The following SLC12A6 variants were observed in gnomAD, a reference collection of about 807,000 sequenced individuals.
SLC12A6 encodes the protein solute carrier family 12 member 6.
In SLC12A6, 66 loss-of-function variants were observed where a neutral mutation model predicts 135.3. The ratio of observed to expected loss-of-function variants is 0.49; its 90% CI spans 0.40 to 0.60. The LOEUF (loss-of-function observed/expected upper bound fraction) is 0.60, where lower values mean the gene tolerates loss of function less well. Among genes scored for constraint, SLC12A6 ranks in the 20% least tolerant of loss-of-function variants. The pLI is 0.00. For synonymous variants in SLC12A6, 513 were observed against 508.8 expected (o/e 1.01, Z -0.11); for missense variants, 1,058 against 1,452.3 (o/e 0.73, Z 4.41).
At chr15:34,330,671 AAAAAAC>A (rs1279691270) in intron 2 of SLC12A6, among the ~76,000 whole-genome samples, 1 of 151,854 alleles carries the variant, frequency 6.6e-6, no homozygotes, top group Admixed American at 6.6e-5. Context: ...TGTCTCAAAA[AAAAAAC>A]AAAAACAAAA....
chr15:34,285,580 A>G (rs557929268), intron 2 of SLC12A6, among the ~76,000 whole-genome samples: 2 of 151,958 alleles, frequency 1.3e-5, no homozygotes, highest in East Asian at 3.9e-4. Flanking sequence ...GGGTTTTTAA[A>G]TTAGGTGTGA....
rs1316726608 is a variant in SLC12A6, at chr15:34,233,838, G to A, written c.*43C>T. On this transcript the variant is annotated 3_prime_UTR_variant, in exon 26 of 26. Transcript: ENST00000354181. The stretch of plus-strand genomic sequence containing the variant: ...AGCTGGCACTTCCATGGAGGACGTA[G>A]GCCTTTTAAGAAAACAGGTCAAGCA... 4.0e-6 allele frequency: 4 copies of A among 1,012,060 alleles called. No individual in the cohort carries two copies. The highest frequency in any genetic ancestry group is 6.3e-6 in the Non-Finnish European group (4 of 630,130). The allele number at this position is 1,012,060 out of a possible 1,614,324, so 62.7% of individuals were successfully genotyped here.
chr15:34,297,008 A>G (rs928618259), intron 2 of SLC12A6, among the ~76,000 whole-genome samples: 19 of 152,316 alleles, frequency 1.2e-4, no homozygotes, highest in African/African-American at 3.6e-4. Flanking sequence ...ATTTTCTACT[A>G]AACATCTTGA....
At chr15:34,317,740 G>A (rs1196122343) in intron 2 of SLC12A6, among the ~76,000 whole-genome samples, 2 of 152,092 alleles carry the variant, frequency 1.3e-5, no homozygotes, top group Non-Finnish European at 2.9e-5. Flanking sequence ...GTAATTTTGA[G>A]AGCTTATTCC....
At position 34,334,618 on chromosome 15, in the gene SLC12A6, A is replaced by G. The variant is rs1452790168; in HGVS notation, c.271+1792T>C. 8.5e-5 allele frequency among the ~76,000 whole-genome samples: 13 copies of G among 152,336 alleles called. No homozygotes were observed. The South Asian group carries it at 2.5e-3, about 29-fold the overall frequency. ...CACTGAGAAAGTATAAAGTTCCACG[A>G]GAATAGGGCAAAGTCCTCTCTAATG... On this transcript the variant is annotated intron_variant, in intron 2 of 25. Transcript: ENST00000354181.
intron 2 of SLC12A6, 34 bp downstream of exon 2, chr15:34,336,376 A>C (rs1278733449): frequency 6.4e-7 from 1 of 1,566,380 alleles, no homozygotes; most frequent in Non-Finnish European, 8.8e-7. Flanking sequence ...GAACCCAGTA[A>C]TGAAAGTATG....
rs761805875 is a variant in SLC12A6 at position 34,252,302 on chromosome 15, C to G, written c.1201G>C (p.Val401Leu). ...AAGAATCCCCATAACTTTGATGGGACTGTCATGTTGTTAATTTCCTTGGTC... is the reference window on the plus strand; with the variant it reads ...AAGAATCCCCATAACTTTGATGGGAGTGTCATGTTGTTAATTTCCTTGGTC... ...SKTKEINNMT[V>L]PSKLWGFFCN... Residue 401 changes from valine to leucine, a missense_variant, in exon 10 of 26, where the codon GTC becomes CTC. Around this residue, in one of 6 missense-constraint regions of SLC12A6, gnomAD observed 297 missense variants for 318.5 expected, o/e 0.93. Coordinates refer to ENST00000354181, the MANE Select transcript of SLC12A6 (RefSeq NM_001365088.1). 1.2e-6 allele frequency: 2 copies of G among 1,609,714 alleles called. No individual in the cohort carries two copies. Among genetic ancestry groups the G allele is most frequent in the African/African-American group, 2.7e-5 (2 of 74,748 alleles).
In SLC12A6 at chr15:34,336,593, C is replaced by T. The variant is rs1187188279; in HGVS notation, c.88G>A (p.Asp30Asn). 1 of 1,613,674 alleles carries T rather than the reference C, an allele frequency of 6.2e-7. No individual in the cohort carries two copies. Among genetic ancestry groups the T allele is most frequent in the Non-Finnish European group, 8.5e-7 (1 of 1,179,774 alleles). The change falls in exon 2 of 26, where the codon GAC becomes AAC. Residue 30 changes from aspartate (D) to asparagine (N), a missense_variant. By Grantham distance (23) the Asp-to-Asn change is conservative (BLOSUM62 1). This residue lies in a region of SLC12A6 where 176 missense variants were observed against 168.9 expected (regional missense o/e 1.04). Coordinates refer to ENST00000354181, the MANE Select transcript of SLC12A6 (RefSeq NM_001365088.1). ...CGAGAGCTGAGGTCCGGACTGGTGT[C>T]TGACAAACCTGGAATGTCATCGATC... ...TKIDDIPGLSDTSPDLSSRSS... is the reference protein window; with the variant it reads ...TKIDDIPGLSNTSPDLSSRSS...
intron 2 of SLC12A6, among the ~76,000 whole-genome samples, chr15:34,283,652 A>T (rs1894834957): frequency 6.6e-6 from 1 of 151,634 alleles, no homozygotes; most frequent in Admixed American, 6.6e-5. Flanking sequence ...TTTTTTTTTT[A>T]AAGAGGGTAA....
At chr15:34,267,158 A>G (rs1333754511) in intron 3 of SLC12A6, among the ~76,000 whole-genome samples, 1 of 152,026 alleles carries the variant, frequency 6.6e-6, no homozygotes, top group Non-Finnish European at 1.5e-5. Context: ...CAACACGAAG[A>G]CTTTCTAATA....
At chr15:34,235,430 G>GTTT in intron 24 of SLC12A6, 116 bp from the exon 25 acceptor site, 2 of 539,794 alleles carry the variant, frequency 3.7e-6, no homozygotes, top group Admixed American at 3.3e-5. Context: ...CTGATAAAAT[G>GTTT]ATTTTTTTTT....
At chr15:34,241,489 A>G (rs1446489804) in intron 17 of SLC12A6, 152 bp from the exon 18 acceptor site, 2 of 632,694 alleles carry the variant, frequency 3.2e-6, no homozygotes, top group East Asian at 2.8e-5. Context: ...CTTTACTAAC[A>G]TAATGAACCT....
intron 2 of SLC12A6, among the ~76,000 whole-genome samples, chr15:34,330,236 T>A (rs533671559): frequency 2.5e-4 from 38 of 152,262 alleles, no homozygotes; most frequent in Non-Finnish European, 4.9e-4. Flanking sequence ...CTCCACCCCA[T>A]CCCAATTATT....
intron 2 of SLC12A6, among the ~76,000 whole-genome samples, chr15:34,306,004 G>A (rs1017135128): frequency 1.3e-5 from 2 of 151,536 alleles, no homozygotes; most frequent in African/African-American, 2.4e-5. Flanking sequence ...CTCGTGATCC[G>A]CCCGCCTCGG....
chr15:34,254,989 A>G (rs1892649624), intron 8 of SLC12A6, among the ~76,000 whole-genome samples: 1 of 152,244 alleles, frequency 6.6e-6, no homozygotes, highest in South Asian at 2.1e-4. Context: ...GAAGATATCA[A>G]AAAAGATAAA....
At chr15:34,271,880 G>T (rs2140870278) in intron 3 of SLC12A6, among the ~76,000 whole-genome samples, 1 of 152,294 alleles carries the variant, frequency 6.6e-6, no homozygotes, top group African/African-American at 2.4e-5. Context: ...AGCAGGCAAG[G>T]CAATTGAACC....
In SLC12A6 at chr15:34,336,689, T is replaced by C. The variant is rs760840867; in HGVS notation, c.-9A>G. 6 of 1,613,506 alleles carry C rather than the reference T, an allele frequency of 3.7e-6. No individual in the cohort carries two copies. The Admixed American group carries it at 8.3e-5, about 22-fold the overall frequency. ...GTTTCTGGAGGATGCATTTTGTTCT[T>C]TTTAAGAACAAAAAAAGTGGGGGGA... is the stretch of plus-strand genomic sequence containing the variant. On this transcript the variant is annotated 5_prime_UTR_variant, in exon 2 of 26. Transcript: ENST00000354181.
At position 34,300,531 on chromosome 15, in the gene SLC12A6, T is replaced by C. The variant is rs186560201; in HGVS notation, c.272-25142A>G. The stretch of plus-strand genomic sequence containing the variant: ...AAAGGAGGTGGCTAGGCACAGTGGC[T>C]CATGTCTGTAATCCCAGCACTTTGG... On this transcript the variant is annotated intron_variant, in intron 2 of 25. Transcript: ENST00000354181. Among the ~76,000 whole-genome samples the C allele has an allele frequency of 2.6e-5, 4 of 152,188 alleles. No individual in the cohort carries two copies. The East Asian group carries it at 7.7e-4, about 29-fold the overall frequency.
intron 2 of SLC12A6, among the ~76,000 whole-genome samples, chr15:34,323,117 A>G (rs937929723): frequency 6.6e-6 from 1 of 151,246 alleles, no homozygotes; most frequent in Non-Finnish European, 1.5e-5. Context: ...AATATTCATA[A>G]AACATATACT....
Sources: allele counts gnomAD v4.1 joint callset (sites outside exome capture counted in the v4.1 genomes callset), GRCh38; gene constraint gnomAD v4.1.1; regional missense constraint gnomAD v4.1.1; transcripts MANE v1.5; gene names NCBI Gene and HGNC (gene_info 2026-07-23, HGNC 2026-07-21).